The following OPA3 variants were observed in gnomAD, a reference collection of about 807,000 sequenced individuals.
OPA3 encodes optic atrophy 3 protein.
A neutral mutation model predicts 4.0 loss-of-function variants in OPA3; 6 were observed. The ratio of observed to expected loss-of-function variants is 1.51; its 90% CI spans 0.83 to 2.99. The LOEUF is 2.99. OPA3 is among the 30% of genes most tolerant of loss of function. The pLI is 0.00. For synonymous variants in OPA3, 105 were observed against 117.1 expected (o/e 0.90, Z 0.67); for missense variants, 235 against 256.2 (o/e 0.92, Z 0.56).
At chr19:45,576,543 C>CCG (rs1555735868) in intron 1 of OPA3, among the ~76,000 whole-genome samples, 3 of 82,670 alleles carry the variant, frequency 3.6e-5, no homozygotes, top group African/African-American at 1.8e-4. Context: ...CATCCCCCCC[C>CCG]CCCCAAAAAA....
intron 1 of OPA3, among the ~76,000 whole-genome samples, chr19:45,583,123 T>C (rs1969880362): frequency 6.6e-6 from 1 of 152,124 alleles, no homozygotes; most frequent in Non-Finnish European, 1.5e-5. Context: ...AATTCCCTTA[T>C]TTTATGTCCC....
At chr19:45,583,552 A>T (rs1969887262) in intron 1 of OPA3, among the ~76,000 whole-genome samples, 1 of 152,014 alleles carries the variant, frequency 6.6e-6, no homozygotes. Context: ...CCCAGGCTGG[A>T]GTGCAATGGC....
intron 1 of OPA3, among the ~76,000 whole-genome samples, chr19:45,580,111 C>T (rs867842298): frequency 1.1e-4 from 17 of 151,654 alleles, no homozygotes; most frequent in Middle Eastern, 6.8e-3. Context: ...ATTCTTCTGC[C>T]TCAGCCTCCC....
intron 1 of OPA3, among the ~76,000 whole-genome samples, chr19:45,573,555 C>G (rs1401550845): frequency 2.0e-5 from 3 of 152,126 alleles, no homozygotes; most frequent in African/African-American, 7.2e-5. Context: ...ATCCACATAA[C>G]AACCCAATTA....
intron 1 of OPA3, among the ~76,000 whole-genome samples, chr19:45,583,187 G>A (rs1266366735): frequency 6.6e-6 from 1 of 151,126 alleles, no homozygotes; most frequent in Non-Finnish European, 1.5e-5. Context: ...GTCTTGCTCC[G>A]TCACCCAGGC....
rs1382085104 is a variant in OPA3, at chr19:45,549,247, T to A, written c.*4267A>T. 1.0e-6 allele frequency: 1 copy of A among 985,302 alleles called. No homozygotes were observed. Among genetic ancestry groups the A allele is most frequent in the East Asian group, 1.1e-4 (1 of 8,830 alleles). The allele number at this position is 985,302 out of a possible 1,614,324, so 61.0% of individuals were successfully genotyped here. ...AGAACACACGAGCAGTGAACCATCC[T>A]CTGGCCTCTTGCATTTTGAGAGGAC... On this transcript the variant is annotated 3_prime_UTR_variant, in exon 2 of 2. Transcript: ENST00000263275.
chr19:45,528,322 G>T (rs768132755), exon 2 of OPA3: 1 of 152,578 alleles, frequency 6.6e-6, no homozygotes, highest in African/African-American at 2.4e-5. Context: ...ACCCAGCATA[G>T]CCATGCCAGT....
At chr19:45,537,735 C>T (rs1214895824) in intron 1 of OPA3, among the ~76,000 whole-genome samples, 3 of 151,942 alleles carry the variant, frequency 2.0e-5, no homozygotes, top group African/African-American at 4.8e-5. Flanking sequence ...CGGTTTCAAG[C>T]GATTCTCCTG....
chr19:45,578,820 C>G (rs1385998367), intron 1 of OPA3, among the ~76,000 whole-genome samples: 2 of 152,064 alleles, frequency 1.3e-5, no homozygotes, highest in Non-Finnish European at 2.9e-5. Context: ...GAGTGCGACT[C>G]TGTCTCAAAA....
intron 1 of OPA3, among the ~76,000 whole-genome samples, chr19:45,575,019 C>T (rs1238710087): frequency 6.6e-6 from 1 of 152,148 alleles, no homozygotes; most frequent in East Asian, 1.9e-4. Flanking sequence ...GAGAGCCTGC[C>T]AAGCAGCAAC....
chr19:45,556,558 A>G (rs947330076), intron 1 of OPA3, among the ~76,000 whole-genome samples: 2 of 151,984 alleles, frequency 1.3e-5, no homozygotes, highest in Non-Finnish European at 2.9e-5. Flanking sequence ...GGGTCTTGCT[A>G]TGTTGCCAAA....
chr19:45,560,128 G>C (rs987536709), intron 1 of OPA3, among the ~76,000 whole-genome samples: 99 of 151,924 alleles, frequency 6.5e-4, no homozygotes, highest in African/African-American at 2.3e-3. Flanking sequence ...TCTACTCTTG[G>C]GTTACATAGA....
At chr19:45,559,761 G>A (rs1266244650) in intron 1 of OPA3, among the ~76,000 whole-genome samples, 1 of 151,966 alleles carries the variant, frequency 6.6e-6, no homozygotes, top group Non-Finnish European at 1.5e-5. Flanking sequence ...CAGCTGGACT[G>A]TCCCTTCCTC....
chr19:45,582,789 G>A (rs965661070), intron 1 of OPA3, among the ~76,000 whole-genome samples: 1 of 152,054 alleles, frequency 6.6e-6, no homozygotes, highest in Non-Finnish European at 1.5e-5. Context: ...GTTTAGGGAG[G>A]GTCAGAATCT....
Position 45,550,153 on chromosome 19 carries a change from T to C in OPA3, c.*3361A>G, listed in dbSNP as rs921593113. On this transcript the variant is annotated 3_prime_UTR_variant, in exon 2 of 2. Transcript: ENST00000263275. ...GTCAGGGTGACGGAGCTAGACTGTC[T>C]CCGAAAGAAAAGAAAAGAAAAAAGA... 4 of 958,984 alleles carry C rather than the reference T, an allele frequency of 4.2e-6. No individual in the cohort carries two copies. The African/African-American group carries it at 7.1e-5, about 17-fold the overall frequency. The allele number at this position is 958,984 out of a possible 1,614,324, so 59.4% of individuals were successfully genotyped here.
intron 1 of OPA3, among the ~76,000 whole-genome samples, chr19:45,530,822 T>C (rs367898351): frequency 2.0e-5 from 3 of 151,032 alleles, no homozygotes; most frequent in African/African-American, 4.9e-5. Context: ...AGTGCAGTGG[T>C]GTGATCTTGG....
At chr19:45,556,243 G>A (rs1260863722) in intron 1 of OPA3, among the ~76,000 whole-genome samples, 1 of 151,992 alleles carries the variant, frequency 6.6e-6, no homozygotes, top group Non-Finnish European at 1.5e-5. Context: ...TCCCAGGCTC[G>A]AGTCATCTTC....
rs1342185871 is a variant in OPA3 at position 45,553,920 on chromosome 19, G to C, written c.143-9C>G. 6.9e-6 allele frequency: 11 copies of C among 1,599,086 alleles called. No individual in the cohort carries two copies. The highest frequency in any genetic ancestry group is 3.4e-5 in the Admixed American group (2 of 59,488). ...CTCCACCCAGTGATACACTGCGGGG[G>C]AAGAGAGGGGTCAGGCTGCGCTCTG... On this transcript the variant is annotated splice_polypyrimidine_tract_variant and intron_variant, in intron 1 of 1. Transcript: ENST00000263275.
chr19:45,555,496 T>A (rs955782702), intron 1 of OPA3, among the ~76,000 whole-genome samples: 18 of 17,752 alleles, frequency 1.0e-3, no homozygotes, highest in Non-Finnish European at 1.7e-3. Flanking sequence ...TGGCTAATAT[T>A]TTTTTTTTTT....
Sources: allele counts gnomAD v4.1 joint callset (sites outside exome capture counted in the v4.1 genomes callset), GRCh38; gene constraint gnomAD v4.1.1; transcripts MANE v1.5; gene names NCBI Gene and HGNC (gene_info 2026-07-23, HGNC 2026-07-21).